Variants in EDIL3 observed in about 807,000 individuals in gnomAD.
EDIL3 encodes EGF like and discoidin domains 3, also known as EGF-like repeat and discoidin I-like domain-containing protein 3.
A neutral mutation model predicts 67.4 loss-of-function variants in EDIL3; 37 were observed. The observed-to-expected ratio is 0.55, with a 90% CI of 0.42 to 0.72. EDIL3 has a LOEUF of 0.72. Ranked by LOEUF, EDIL3 falls within the 30% of genes least tolerant of loss-of-function variation. The pLI, the probability that EDIL3 is intolerant of heterozygous loss-of-function variation, is 0.00. For missense variants in EDIL3, 527 were observed against 586.3 expected (o/e 0.90, Z 1.04); for synonymous variants, 195 against 196.3 (o/e 0.99, Z 0.05).
intron 4 of EDIL3, among the ~76,000 whole-genome samples, chr5:84,148,418 A>C (rs1309371371): frequency 6.6e-6 from 1 of 152,202 alleles, no homozygotes; most frequent in Non-Finnish European, 1.5e-5. Context: ...GAATGGGATA[A>C]TTCAACAAAT....
At chr5:84,037,156 C>T (rs760888317) in intron 9 of EDIL3, among the ~76,000 whole-genome samples, 6 of 152,164 alleles carry the variant, frequency 3.9e-5, no homozygotes, top group Non-Finnish European at 7.3e-5. Context: ...CACAAATGCA[C>T]CCTATGGGTA....
chr5:84,355,487 T>C (rs926505566), intron 1 of EDIL3, among the ~76,000 whole-genome samples: 3 of 152,046 alleles, frequency 2.0e-5, no homozygotes, highest in Non-Finnish European at 2.9e-5. Context: ...TTCTGACAAT[T>C]TGTCAAACTC....
chr5:84,090,387 A>G (rs1262377884), intron 6 of EDIL3, among the ~76,000 whole-genome samples: 1 of 152,142 alleles, frequency 6.6e-6, no homozygotes, highest in Non-Finnish European at 1.5e-5. Flanking sequence ...ATAAAAGGAC[A>G]CATCTTAGGT....
intron 5 of EDIL3, among the ~76,000 whole-genome samples, chr5:84,122,448 G>C (rs1747793071): frequency 6.6e-6 from 1 of 151,850 alleles, no homozygotes; most frequent in African/African-American, 2.4e-5. Context: ...TGCTATGTTG[G>C]TGTGCTGCAC....
intron 5 of EDIL3, among the ~76,000 whole-genome samples, chr5:84,108,979 G>T (rs1747510490): frequency 6.6e-6 from 1 of 152,142 alleles, no homozygotes; most frequent in African/African-American, 2.4e-5. Flanking sequence ...CTATTTTAAA[G>T]CAGAGAGTAG....
At position 84,148,575 on chromosome 5, in the gene EDIL3, T is replaced by C. The variant is rs535959631; in HGVS notation, c.356-11221A>G. 3.3e-5 allele frequency among the ~76,000 whole-genome samples: 5 copies of C among 152,278 alleles called. No homozygotes were observed. The East Asian group carries it at 9.6e-4, about 29-fold the overall frequency. On this transcript the variant is annotated intron_variant, in intron 4 of 10. Coordinates refer to ENST00000296591, the MANE Select transcript of EDIL3 (RefSeq NM_005711.5). ...GTTGGTAAATACAGAAAAGACTCCT[T>C]TTTTAAATTCTTAGGAGTTTCAGTC... is the stretch of plus-strand genomic sequence containing the variant.
chr5:84,034,879 T>C (rs1327915585), intron 9 of EDIL3, among the ~76,000 whole-genome samples: 1 of 152,198 alleles, frequency 6.6e-6, no homozygotes, highest in African/African-American at 2.4e-5. Context: ...AGGCTGGCCA[T>C]GTCACTGATA....
At chr5:84,161,635 G>A (rs1748615279) in intron 4 of EDIL3, among the ~76,000 whole-genome samples, 1 of 151,858 alleles carries the variant, frequency 6.6e-6, no homozygotes, top group Non-Finnish European at 1.5e-5. Flanking sequence ...CTAGACAATC[G>A]CCTGTACCTT....
chr5:84,064,562 C>G lies in EDIL3; in HGVS notation c.952+138G>C, dbSNP rs1369296088. On this transcript the variant is annotated intron_variant, in intron 8 of 10. Coordinates refer to ENST00000296591, the MANE Select transcript of EDIL3 (RefSeq NM_005711.5). ...ATACATAAACACACACTGGTTTTCC[C>G]TGAACCATGTTGTAGACATTTTTCC... 4.5e-6 allele frequency: 5 copies of G among 1,102,202 alleles called. No homozygotes were observed. The East Asian group carries it at 1.3e-4, about 29-fold the overall frequency. The allele number at this position is 1,102,202 out of a possible 1,614,324, so 68.3% of individuals were successfully genotyped here.
chr5:84,091,119 A>C (rs1014023116), intron 6 of EDIL3, among the ~76,000 whole-genome samples: 1 of 152,174 alleles, frequency 6.6e-6, no homozygotes, highest in Non-Finnish European at 1.5e-5. Context: ...GATAGTGAAG[A>C]GGTTACAAAT....
At chr5:84,329,350 GA>G (rs1264338699) in intron 1 of EDIL3, among the ~76,000 whole-genome samples, 4 of 152,008 alleles carry the variant, frequency 2.6e-5, no homozygotes, top group African/African-American at 7.2e-5. Flanking sequence ...GTAATACTGA[GA>G]TTTTTTTCAA....
chr5:83,968,419 T>C (rs1218501911), intron 9 of EDIL3, among the ~76,000 whole-genome samples: 1 of 152,104 alleles, frequency 6.6e-6, no homozygotes, highest in African/African-American at 2.4e-5. Context: ...TTTTTTCATG[T>C]AATATATTAA....
intron 3 of EDIL3, among the ~76,000 whole-genome samples, chr5:84,211,200 A>G (rs1038213913): frequency 3.3e-5 from 5 of 152,170 alleles, no homozygotes; most frequent in African/African-American, 1.2e-4. Context: ...TGGGATGTGG[A>G]AGCAGATCCC....
chr5:84,336,219 C>T (rs1171626752), intron 1 of EDIL3, among the ~76,000 whole-genome samples: 6 of 152,112 alleles, frequency 3.9e-5, no homozygotes, highest in Admixed American at 1.3e-4. Context: ...GTGGAACTAG[C>T]ATGTTCAATG....
intron 4 of EDIL3, among the ~76,000 whole-genome samples, chr5:84,160,744 TCTTTCCTTTC>T (rs58536621): frequency 0.027 from 2,690 of 99,680 alleles, 68 homozygotes; most frequent in Admixed American, 0.045. Context: ...TCTTTTCTTT[TCTTTCCTTTC>T]CTTTCCTTTC....
chr5:84,126,081 T>C (rs1747865602), intron 5 of EDIL3, among the ~76,000 whole-genome samples: 1 of 152,034 alleles, frequency 6.6e-6, no homozygotes, highest in African/African-American at 2.4e-5. Flanking sequence ...GAAGCAGGAA[T>C]GAATTCAATA....
rs868282256 is a variant in EDIL3 at position 84,119,212 on chromosome 5, G to T, written c.470-12382C>A. 1.3e-3 allele frequency among the ~76,000 whole-genome samples: 109 copies of T among 82,338 alleles called. 1 individual carries two copies. The highest frequency in any genetic ancestry group is 3.9e-3 in the African/African-American group (84 of 21,450). The allele number at this position is 82,338 out of a possible 152,430, so 54.0% of individuals were successfully genotyped here. On this transcript the variant is annotated intron_variant, in intron 5 of 10. Transcript: ENST00000296591. ...TTCAGCCATGTTTTACATGCATTTGGTTTTTTTTTTTTTTTTTTTTTTTTC... is the reference window on the plus strand; with the variant it reads ...TTCAGCCATGTTTTACATGCATTTGTTTTTTTTTTTTTTTTTTTTTTTTTC...
chr5:84,301,311 A>C (rs575958067), intron 1 of EDIL3, among the ~76,000 whole-genome samples: 45 of 151,986 alleles, frequency 3.0e-4, no homozygotes, highest in Non-Finnish European at 4.6e-4. Flanking sequence ...GTATAGAATC[A>C]TATGGAATCA....
At chr5:84,263,169 T>G (rs1209606901) in intron 1 of EDIL3, among the ~76,000 whole-genome samples, 1 of 152,122 alleles carries the variant, frequency 6.6e-6, no homozygotes, top group Non-Finnish European at 1.5e-5. Context: ...TACCACTGCT[T>G]GTTAGGTCCA....
Sources: allele counts gnomAD v4.1 joint callset (sites outside exome capture counted in the v4.1 genomes callset), GRCh38; gene constraint gnomAD v4.1.1; transcripts MANE v1.5; gene names NCBI Gene and HGNC (gene_info 2026-07-23, HGNC 2026-07-21).